The following RNF216 variants were observed in gnomAD, a reference collection of about 807,000 sequenced individuals.
The protein encoded by RNF216 is E3 ubiquitin-protein ligase RNF216.
Under a neutral mutation model 110.8 loss-of-function variants are expected in RNF216, and 72 were observed. That is an observed-to-expected ratio of 0.65 (90% CI 0.54 to 0.79). The LOEUF (loss-of-function observed/expected upper bound fraction) is 0.79, where lower values mean the gene tolerates loss of function less well. Among genes scored for constraint, RNF216 ranks in the 30% least tolerant of loss-of-function variants. RNF216 has a pLI of 0.00. For missense variants in RNF216, 1,342 were observed against 1,141.2 expected, an observed-to-expected ratio of 1.18 and a Z score of -2.54; for synonymous variants, 495 against 407.5, an observed-to-expected ratio of 1.21 and a Z score of -2.59.
At chr7:5,662,964 A>G (rs1193783867) in intron 13 of RNF216, among the ~76,000 whole-genome samples, 4 of 152,144 alleles carry the variant, frequency 2.6e-5, no homozygotes, top group Non-Finnish European at 4.4e-5. Context: ...CAGAGAATCC[A>G]GCACCCACAC....
chr7:5,732,989 T>C (rs1255186940), intron 5 of RNF216: 5 of 152,238 alleles, frequency 3.3e-5, no homozygotes, highest in African/African-American at 1.2e-4. Context: ...GGTTCTCTAA[T>C]GAATAGGCTT....
chr7:5,722,369 G>GTTTTTTTTTTT (rs36102190), intron 8 of RNF216, among the ~76,000 whole-genome samples: 1 of 143,606 alleles, frequency 7.0e-6, no homozygotes. Flanking sequence ...TCATTCTCAT[G>GTTTTTTTTTTT]TTTTTTTTTT....
intron 13 of RNF216, among the ~76,000 whole-genome samples, chr7:5,706,219 CAAA>C (rs56894423): frequency 1.7e-4 from 12 of 70,692 alleles, no homozygotes; most frequent in Admixed American, 3.1e-4. Context: ...CACTCCATCT[CAAA>C]AAAAAAAAAA....
chr7:5,747,743 T>A (rs1384979740), intron 3 of RNF216, among the ~76,000 whole-genome samples: 3 of 27,256 alleles, frequency 1.1e-4, no homozygotes, highest in East Asian at 1.3e-3. Context: ...GGAGACTCCA[T>A]CTCAAAAAAA....
chr7:5,768,227 G>C lies in RNF216; in HGVS notation c.-69-7089C>G, dbSNP rs1007265402. Among the ~76,000 whole-genome samples, 4 of 150,868 alleles carry C rather than the reference G, an allele frequency of 2.7e-5. No individual in the cohort carries two copies. In the Admixed American group the frequency reaches 2.7e-4, roughly 10 times the overall value. The stretch of plus-strand genomic sequence containing the variant: ...GCACTTTGGGAGGCTGAAGCAGGAG[G>C]ATCACTTGAGCCCAGGAGTTTAAGA... On this transcript the variant is annotated intron_variant, in intron 1 of 16. Coordinates refer to ENST00000389902, the MANE Select transcript of RNF216 (RefSeq NM_207111.4).
chr7:5,640,466 C>T (rs1004381408), intron 15 of RNF216, among the ~76,000 whole-genome samples: 2 of 152,178 alleles, frequency 1.3e-5, no homozygotes, highest in Non-Finnish European at 2.9e-5. Flanking sequence ...GCTGTCACCT[C>T]CCTGTGGCTC....
chr7:5,635,320 A>G (rs1379073734), intron 15 of RNF216, among the ~76,000 whole-genome samples: 1 of 149,132 alleles, frequency 6.7e-6, no homozygotes, highest in East Asian at 1.9e-4. Flanking sequence ...ACACACAATG[A>G]TATTTATGAC....
intron 1 of RNF216, among the ~76,000 whole-genome samples, chr7:5,764,311 A>G (rs761015202): frequency 9.9e-5 from 15 of 152,208 alleles, no homozygotes; most frequent in Non-Finnish European, 1.8e-4. Flanking sequence ...CACACATAAA[A>G]ATGTCATAAG....
chr7:5,763,913 G>A (rs544476643), intron 1 of RNF216, among the ~76,000 whole-genome samples: 2 of 152,258 alleles, frequency 1.3e-5, no homozygotes, highest in Admixed American at 1.3e-4. Context: ...AGACGGCAGG[G>A]CACGACAGCT....
intron 1 of RNF216, among the ~76,000 whole-genome samples, chr7:5,770,653 C>G (rs977967522): frequency 6.6e-6 from 1 of 151,530 alleles, no homozygotes; most frequent in Non-Finnish European, 1.5e-5. Context: ...TACAGGAAAA[C>G]AGCCAAGAAT....
At chr7:5,764,949 G>A (rs1240132868) in intron 1 of RNF216, among the ~76,000 whole-genome samples, 3 of 151,242 alleles carry the variant, frequency 2.0e-5, no homozygotes, top group African/African-American at 7.3e-5. Context: ...ACACATCTGT[G>A]ATCCCAGCTA....
At chr7:5,736,262 T>C (rs1794391081) in intron 5 of RNF216, among the ~76,000 whole-genome samples, 1 of 152,086 alleles carries the variant, frequency 6.6e-6, no homozygotes, top group Non-Finnish European at 1.5e-5. Context: ...TGATTGCAGG[T>C]GCGCGCCGCC....
intron 15 of RNF216, among the ~76,000 whole-genome samples, chr7:5,633,256 T>C (rs951371790): frequency 1.3e-5 from 2 of 149,256 alleles, no homozygotes; most frequent in Non-Finnish European, 3.0e-5. Flanking sequence ...GGCTTACAGG[T>C]GTGAGCCACT....
rs1790614904 is a variant in RNF216 at position 5,680,971 on chromosome 7, G to A, written c.2062-28461C>T. 6.6e-6 allele frequency among the ~76,000 whole-genome samples: 1 copy of A among 152,136 alleles called. No individual in the cohort carries two copies. Among genetic ancestry groups the A allele is most frequent in the Non-Finnish European group, 1.5e-5 (1 of 68,030 alleles). ...TCCCCTCTGGCTGGGCCATGGCGGA[G>A]AGCCTGGACTTCAGGCCATCCCACC... On this transcript the variant is annotated intron_variant, in intron 13 of 16. Transcript: ENST00000389902. This position sits in a 1 kb window ranked among gnomAD's most constrained non-coding sequence, Gnocchi z 4.3.
chr7:5,627,370 T>G (rs1786775871), intron 15 of RNF216, among the ~76,000 whole-genome samples: 1 of 152,192 alleles, frequency 6.6e-6, no homozygotes. Flanking sequence ...GCCCTCCTTG[T>G]GAGGGCCTCA....
At position 5,721,030 on chromosome 7, in the gene RNF216, T is replaced by C; in HGVS notation, c.1644+3A>G. 1.9e-6 allele frequency: 3 copies of C among 1,614,208 alleles called. No homozygotes were observed. Among genetic ancestry groups the C allele is most frequent in the Non-Finnish European group, 2.5e-6 (3 of 1,180,010 alleles). ...ACCCCAAGACCAGAGCACATCTTCC[T>C]ACCTCTGCCATCTCTTTGATTTTCT... On this transcript the variant is annotated splice_donor_region_variant and intron_variant, in intron 9 of 16. Transcript: ENST00000389902.
Position 5,622,833 on chromosome 7 carries a change from G to T in RNF216, c.*27C>A, listed in dbSNP as rs1786457742. The T allele has an allele frequency of 1.3e-6, 2 of 1,570,088 alleles. No homozygotes were observed. Among genetic ancestry groups the T allele is most frequent in the Non-Finnish European group, 8.7e-7 (1 of 1,154,734 alleles). On this transcript the variant is annotated 3_prime_UTR_variant, in exon 17 of 17. Coordinates refer to ENST00000389902, the MANE Select transcript of RNF216 (RefSeq NM_207111.4). ...CACACTCCTACCCCAAACGGGCTTT[G>T]TGCTGCTCAATGGGGATTCGGGGCC... is the stretch of plus-strand genomic sequence containing the variant.
chr7:5,760,774 C>A (rs1455428075), intron 2 of RNF216, among the ~76,000 whole-genome samples: 1 of 152,190 alleles, frequency 6.6e-6, no homozygotes, highest in Non-Finnish European at 1.5e-5. Flanking sequence ...CAGCGTCTTG[C>A]CAGCAAATTA....
chr7:5,781,051 C>T (rs1409652743), intron 1 of RNF216, among the ~76,000 whole-genome samples: 2 of 152,182 alleles, frequency 1.3e-5, no homozygotes, highest in African/African-American at 4.8e-5. Flanking sequence ...GGGTGACAGT[C>T]GCCAACTTTC....
Sources: gnomAD v4.1 joint callset for allele counts (sites outside exome capture counted in the v4.1 genomes callset) on GRCh38, gnomAD v4.1.1 for gene constraint, Gnocchi (gnomAD v3.1) non-coding constraint, MANE v1.5 for transcripts, NCBI Gene and HGNC (gene_info 2026-07-23, HGNC 2026-07-21) for gene names.